CASR: variants seen among roughly 807,000 people sequenced by gnomAD.
The protein encoded by CASR is calcium sensing receptor.
A neutral mutation model predicts 69.1 loss-of-function variants in CASR; 23 were observed. The ratio of observed to expected loss-of-function variants is 0.33; its 90% CI spans 0.24 to 0.47. The LOEUF (loss-of-function observed/expected upper bound fraction) is 0.47. Ranked by LOEUF, CASR falls within the 20% of genes least tolerant of loss-of-function variation. CASR has a pLI of 1.00. For missense variants in CASR, 924 were observed against 1,356.1 expected (o/e 0.68, Z 5.00); for synonymous variants, 541 against 544.7 (o/e 0.99, Z 0.10).
rs1055694335 is a variant in CASR at position 122,291,411 on chromosome 3, T to C, written c.*6220T>C. 2.0e-5 allele frequency: 3 copies of C among 151,922 alleles called. No individual in the cohort carries two copies. The South Asian group carries it at 6.2e-4, about 32-fold the overall frequency. 9.4% of individuals were successfully genotyped at this position (151,922 alleles called of 1,614,324 possible). A position where few individuals can be genotyped will look rare whatever the true frequency, so the allele number is the denominator to read the frequency against. On this transcript the variant is annotated 3_prime_UTR_variant, in exon 7 of 7. Coordinates refer to ENST00000639785, the MANE Select transcript of CASR (RefSeq NM_000388.4). ...CACCTGTTGTTTCCTGACTTTTTAA[T>C]GATCGCCATTCTAACTGGTGTGAGA...
chr3:122,262,149 A>C lies in CASR; in HGVS notation c.1114A>C (p.Thr372Pro), dbSNP rs571007208. 1 of 1,614,190 alleles carries C rather than the reference A, an allele frequency of 6.2e-7. No individual in the cohort carries two copies. Among genetic ancestry groups the C allele is most frequent in the Non-Finnish European group, 8.5e-7 (1 of 1,180,020 alleles). The change falls in exon 4 of 7, where the codon ACC (threonine) becomes CCC (proline). Residue 372 changes from threonine (T) to proline (P), a missense_variant. Thr to Pro is a conservative substitution (Grantham distance 38). This residue lies in a region of CASR where 310 missense variants were observed against 395.7 expected (regional missense o/e 0.78). Transcript: ENST00000639785. ...TGCAAAAGGACCTTTACCTGTGGAC[A>C]CCTTTCTGAGAGGTCACGAAGAAAG... Reference protein sequence around the residue: ...EGAKGPLPVDTFLRGHEESGD... With the variant: ...EGAKGPLPVDPFLRGHEESGD...
chr3:122,213,994 A>C (rs1334273467), intron 1 of CASR, among the ~76,000 whole-genome samples: 2 of 152,150 alleles, frequency 1.3e-5, no homozygotes, highest in Non-Finnish European at 2.9e-5. Flanking sequence ...TTAGCTCCTC[A>C]ACACTTGACC....
intron 1 of CASR, among the ~76,000 whole-genome samples, chr3:122,208,888 T>C (rs933796496): frequency 2.0e-5 from 3 of 152,070 alleles, no homozygotes; most frequent in African/African-American, 7.2e-5. Flanking sequence ...TGTAGATTAT[T>C]TAGGCTAACG....
chr3:122,227,552 CCT>C (rs2074236472), intron 1 of CASR, among the ~76,000 whole-genome samples: 1 of 152,154 alleles, frequency 6.6e-6, no homozygotes. Flanking sequence ...CCCACCCACG[CCT>C]CTCCCTCCAC....
At chr3:122,228,842 C>T (rs1432875273) in intron 1 of CASR, among the ~76,000 whole-genome samples, 6 of 152,162 alleles carry the variant, frequency 3.9e-5, no homozygotes, top group African/African-American at 1.4e-4. Flanking sequence ...TGCCACTACC[C>T]CTGAGACTCC....
At chr3:122,212,926 G>A (rs918145782) in intron 1 of CASR, among the ~76,000 whole-genome samples, 2 of 152,196 alleles carry the variant, frequency 1.3e-5, no homozygotes, top group Non-Finnish European at 2.9e-5. Context: ...ACAGGCATGA[G>A]CCACAGTGCC....
chr3:122,259,729 A>G lies in CASR; in HGVS notation c.493-1799A>G, dbSNP rs2107630103. Among the ~76,000 whole-genome samples, 4 of 147,596 alleles carry G rather than the reference A, an allele frequency of 2.7e-5. No homozygotes were observed. In the South Asian group the frequency reaches 8.6e-4, roughly 32 times the overall value. ...ACTGCAAGCTCTGCCTCCCGGGTTC[A>G]CGCCATTCTCCTGCCTCAGCCTCCC... On this transcript the variant is annotated intron_variant, in intron 3 of 6. Coordinates refer to ENST00000639785, the MANE Select transcript of CASR (RefSeq NM_000388.4).
At chr3:122,232,419 C>T (rs2074287164) in intron 1 of CASR, among the ~76,000 whole-genome samples, 1 of 152,136 alleles carries the variant, frequency 6.6e-6, no homozygotes, top group Non-Finnish European at 1.5e-5. Context: ...AAGAATGCCT[C>T]ATCCCTGATG....
chr3:122,270,592 TCA>T (rs2074747290), intron 4 of CASR, among the ~76,000 whole-genome samples: 2 of 152,220 alleles, frequency 1.3e-5, no homozygotes, highest in African/African-American at 2.4e-5. Context: ...GAAACTGAAG[TCA>T]TTGATTTAAA....
chr3:122,212,194 G>A (rs2074074897), intron 1 of CASR, among the ~76,000 whole-genome samples: 2 of 152,176 alleles, frequency 1.3e-5, no homozygotes, highest in African/African-American at 2.4e-5. Context: ...TAAAGAAAAT[G>A]TGGTACATAT....
chr3:122,237,112 CTTTTT>C (rs59408184), intron 1 of CASR, among the ~76,000 whole-genome samples: 1 of 96,216 alleles, frequency 1.0e-5, no homozygotes, highest in Non-Finnish European at 2.2e-5. Context: ...AGTACTTATG[CTTTTT>C]TTTTTTTTTT....
intron 1 of CASR, among the ~76,000 whole-genome samples, chr3:122,223,693 A>T (rs2074195186): frequency 6.6e-6 from 1 of 152,208 alleles, no homozygotes; most frequent in Admixed American, 6.5e-5. Context: ...TCATTCTATG[A>T]ACCCAGCATC....
intron 6 of CASR, among the ~76,000 whole-genome samples, chr3:122,282,991 G>A (rs1193692407): frequency 6.6e-6 from 1 of 152,162 alleles, no homozygotes; most frequent in Non-Finnish European, 1.5e-5. Context: ...ATACTGCCTG[G>A]GAGTTAGCAG....
At chr3:122,233,544 C>T (rs1033747539) in intron 1 of CASR, among the ~76,000 whole-genome samples, 1 of 152,180 alleles carries the variant, frequency 6.6e-6, no homozygotes, top group Non-Finnish European at 1.5e-5. Context: ...TGCAAGAGGG[C>T]GACTTCACAG....
chr3:122,258,866 C>G (rs1231594103), intron 3 of CASR, among the ~76,000 whole-genome samples: 1 of 152,100 alleles, frequency 6.6e-6, no homozygotes, highest in Non-Finnish European at 1.5e-5. Context: ...GAGATGCAGC[C>G]TAGGTGTCGG....
chr3:122,253,842 C>A (rs181832558), intron 1 of CASR, 106 bp from the exon 2 acceptor site: 76 of 330,526 alleles, frequency 2.3e-4, no homozygotes, highest in African/African-American at 1.3e-3. Context: ...AGTCTGCCAC[C>A]CCTAGGCCCC....
intron 1 of CASR, among the ~76,000 whole-genome samples, chr3:122,189,846 T>A (rs2073822929): frequency 6.6e-6 from 1 of 152,254 alleles, no homozygotes; most frequent in Non-Finnish European, 1.5e-5. Context: ...TTTTCTCCTC[T>A]TAACAGAAGT....
At chr3:122,246,236 A>G (rs2074426501) in intron 1 of CASR, among the ~76,000 whole-genome samples, 1 of 152,112 alleles carries the variant, frequency 6.6e-6, no homozygotes, top group African/African-American at 2.4e-5. Flanking sequence ...TGTTAATTAC[A>G]CAGAGAGTTT....
intron 1 of CASR, among the ~76,000 whole-genome samples, chr3:122,249,329 G>A (rs774428446): frequency 4.6e-4 from 70 of 152,248 alleles, no homozygotes; most frequent in Admixed American, 9.2e-4. Context: ...TTAGATCACC[G>A]TCCTTATAAT....
Sources: gnomAD v4.1 joint callset for allele counts (sites outside exome capture counted in the v4.1 genomes callset) on GRCh38, gnomAD v4.1.1 for gene constraint, gnomAD v4.1.1 regional missense constraint, MANE v1.5 for transcripts, NCBI Gene and HGNC (gene_info 2026-07-23, HGNC 2026-07-21) for gene names.